ITPR1: variants seen among roughly 807,000 people sequenced by gnomAD.
The protein encoded by ITPR1 is inositol 1,4,5-trisphosphate receptor type 1.
ITPR1 carries 96 observed loss-of-function variants against 318.4 expected under a neutral mutation model. That is an observed-to-expected ratio of 0.30 (90% confidence interval 0.26 to 0.36). The LOEUF is 0.36. Among genes scored for constraint, ITPR1 ranks in the 10% least tolerant of loss-of-function variants. The pLI, the probability that ITPR1 is intolerant of heterozygous loss-of-function variation, is 1.00. For synonymous variants in ITPR1, 1,312 were observed against 1,289.9 expected (o/e 1.02, Z -0.37); for missense variants, 2,440 against 3,460.2 (o/e 0.71, Z 7.40).
chr3:4,813,240 A>C lies in ITPR1; in HGVS notation c.7561+6A>C. ...CTCTCCTGCACCCAGAGAAGGTAGGACCTCCTAACTGTAAGCCCCATGTTA... is the reference window on the plus strand; with the variant it reads ...CTCTCCTGCACCCAGAGAAGGTAGGCCCTCCTAACTGTAAGCCCCATGTTA... On this transcript the variant is annotated splice_donor_region_variant and intron_variant, in intron 57 of 61. Transcript: ENST00000649015. The C allele has an allele frequency of 1.3e-6, 2 of 1,591,714 alleles. No individual in the cohort carries two copies. Among genetic ancestry groups the C allele is most frequent in the East Asian group, 2.2e-5 (1 of 44,612 alleles).
At chr3:4,780,760 A>C (rs1366287791) in intron 49 of ITPR1, among the ~76,000 whole-genome samples, 2 of 152,176 alleles carry the variant, frequency 1.3e-5, no homozygotes, top group Non-Finnish European at 2.9e-5. Context: ...AAGCTTATGT[A>C]ACTGGGGATC....
intron 18 of ITPR1, 39 bp from the exon 19 acceptor site, chr3:4,669,614 CT>C: frequency 6.4e-7 from 1 of 1,570,714 alleles, no homozygotes; most frequent in Non-Finnish European, 8.6e-7. Context: ...CTAACCTCTG[CT>C]CTATCTACAG....
intron 26 of ITPR1, 107 bp downstream of exon 26, chr3:4,681,525 T>A (rs1355515226): frequency 2.5e-6 from 2 of 800,320 alleles, no homozygotes; most frequent in Non-Finnish European, 4.2e-6. Flanking sequence ...GGGCTTAGGT[T>A]GTTTTGGTGC....
At chr3:4,520,727 G>T (rs780545535) in intron 3 of ITPR1, among the ~76,000 whole-genome samples, 1 of 152,170 alleles carries the variant, frequency 6.6e-6, no homozygotes, top group Non-Finnish European at 1.5e-5. Flanking sequence ...GCCCCTTGCT[G>T]TGTCTCGCGA....
chr3:4,510,583 C>A (rs1451524905), intron 2 of ITPR1, among the ~76,000 whole-genome samples: 1 of 152,136 alleles, frequency 6.6e-6, no homozygotes, highest in African/African-American at 2.4e-5. Context: ...CAGGTATTTA[C>A]TGAATACCTA....
chr3:4,506,265 C>T (rs1258402300), intron 2 of ITPR1, among the ~76,000 whole-genome samples: 2 of 152,168 alleles, frequency 1.3e-5, no homozygotes, highest in Non-Finnish European at 2.9e-5. Context: ...CCTGTACTTT[C>T]TTCCTTTCCC....
chr3:4,720,947 A>G (rs983692280), intron 40 of ITPR1, among the ~76,000 whole-genome samples: 15 of 152,000 alleles, frequency 9.9e-5, no homozygotes, highest in Non-Finnish European at 1.9e-4. Context: ...GCAGTTACAT[A>G]AGAGCTGCTT....
intron 4 of ITPR1, among the ~76,000 whole-genome samples, chr3:4,522,590 G>A (rs1339441779): frequency 6.6e-6 from 1 of 152,202 alleles, no homozygotes; most frequent in African/African-American, 2.4e-5. Flanking sequence ...ACCCAAGGCG[G>A]CTACTGCCTC....
In ITPR1 at chr3:4,826,838, G is replaced by A. The variant is rs1260641862; in HGVS notation, c.8028+8596G>A. ...CTTCGTGGAGGGTGTGCCAGGTGCC[G>A]TTTGTAACAATGAGTTGAGCAGAGC... On this transcript the variant is annotated intron_variant, in intron 60 of 61. Transcript: ENST00000649015. The surrounding 1 kb of genome is among the most constrained non-coding windows in gnomAD (Gnocchi z 4.2). 3.9e-5 allele frequency among the ~76,000 whole-genome samples: 6 copies of A among 152,272 alleles called. No individual in the cohort carries two copies. Among genetic ancestry groups the A allele is most frequent in the Admixed American group, 6.5e-5 (1 of 15,302 alleles).
chr3:4,503,933 C>A (rs1309098425), intron 2 of ITPR1, among the ~76,000 whole-genome samples: 1 of 152,060 alleles, frequency 6.6e-6, no homozygotes, highest in Non-Finnish European at 1.5e-5. Flanking sequence ...CTCGCCCCCT[C>A]CCAAAACCAA....
chr3:4,827,024 C>G (rs1461305231), intron 60 of ITPR1, among the ~76,000 whole-genome samples: 1 of 152,228 alleles, frequency 6.6e-6, no homozygotes, highest in Non-Finnish European at 1.5e-5. Context: ...CATGAAACCA[C>G]TTCTCCCCAT....
At chr3:4,843,588 T>C (rs2051534279) in intron 61 of ITPR1, among the ~76,000 whole-genome samples, 1 of 152,230 alleles carries the variant, frequency 6.6e-6, no homozygotes, top group African/African-American at 2.4e-5. Context: ...TTCTGGCGCA[T>C]GCTGAAGTTT....
At position 4,691,168 on chromosome 3, in the gene ITPR1, C is replaced by G; in HGVS notation, c.3853C>G (p.His1285Asp). 6.2e-7 allele frequency: 1 copy of G among 1,611,976 alleles called. No individual in the cohort carries two copies. Among genetic ancestry groups the G allele is most frequent in the Non-Finnish European group, 8.5e-7 (1 of 1,178,552 alleles). The change falls in exon 32 of 62, where the codon CAC becomes GAC. Residue 1285 changes from histidine (H) to aspartate (D), a missense_variant. Around this residue, in one of 23 missense-constraint regions of ITPR1, gnomAD observed 222 missense variants for 318.8 expected, o/e 0.70. Transcript: ENST00000649015. ...PGILEAVTMQ[H>D]IFMNNFQLCS... Reference sequence around the variant, plus strand: ...GATCCTGGAGGCAGTAACCATGCAGCACATCTTCATGAACAATTTCCAGCT... The same window carrying G: ...GATCCTGGAGGCAGTAACCATGCAGGACATCTTCATGAACAATTTCCAGCT...
At chr3:4,634,707 C>G (rs2093125977) in intron 5 of ITPR1, among the ~76,000 whole-genome samples, 2 of 152,168 alleles carry the variant, frequency 1.3e-5, no homozygotes, top group Admixed American at 1.3e-4. Flanking sequence ...TCTCCTACCC[C>G]CTATTCTGTT....
intron 5 of ITPR1, among the ~76,000 whole-genome samples, chr3:4,630,607 G>A (rs1288272745): frequency 6.9e-6 from 1 of 144,020 alleles, no homozygotes; most frequent in Non-Finnish European, 1.5e-5. Context: ...TATTTTTAAG[G>A]CAGAGTCTCA....
rs373511110 is a variant in ITPR1, at chr3:4,681,624, A to AGTATGTGTGTGTGTGTGTGT, written c.3161+208_3161+209insATGTGTGTGTGTGTGTGTGT. Reference sequence around the variant, plus strand: ...GAGAGTGAGAGAGAGAGAGAGAGAAAGTGTGTGTGTGTGTGTGTGTGTGTG... The same window carrying AGTATGTGTGTGTGTGTGTGT: ...GAGAGTGAGAGAGAGAGAGAGAGAAAGTATGTGTGTGTGTGTGTGTGTGTGTGTGTGTGTGTGTGTGTGTG... On this transcript the variant is annotated intron_variant, in intron 26 of 61. Transcript: ENST00000649015. Among the ~76,000 whole-genome samples the AGTATGTGTGTGTGTGTGTGT allele has an allele frequency of 9.6e-3, 1,401 of 145,878 alleles. 16 individuals carry two copies. The highest frequency in any genetic ancestry group is 0.021 in the Middle Eastern group (6 of 284).
rs1183055301 is a variant in ITPR1 at position 4,740,917 on chromosome 3, C to T, written c.5544+5563C>T. ...TGGTGCCACCCGCTTCCTGTCAGCC[C>T]CCAGAAGAAATATTTCCTTGTGGCT... On this transcript the variant is annotated intron_variant, in intron 44 of 61. Transcript: ENST00000649015. 2.0e-5 allele frequency among the ~76,000 whole-genome samples: 3 copies of T among 152,306 alleles called. No homozygotes were observed. In the East Asian group the frequency reaches 5.8e-4, roughly 29 times the overall value.
chr3:4,761,098 C>T (rs2045407976), intron 44 of ITPR1, among the ~76,000 whole-genome samples: 1 of 152,244 alleles, frequency 6.6e-6, no homozygotes, highest in South Asian at 2.1e-4. Context: ...CTACTCACAA[C>T]CCCCCACCCT....
At chr3:4,526,004 G>A (rs1250869405) in intron 4 of ITPR1, among the ~76,000 whole-genome samples, 1 of 152,146 alleles carries the variant, frequency 6.6e-6, no homozygotes, top group African/African-American at 2.4e-5. Flanking sequence ...TGGGCTTTTG[G>A]GCAATTAGAT....
Sources: allele counts gnomAD v4.1 joint callset (sites outside exome capture counted in the v4.1 genomes callset), GRCh38; gene constraint gnomAD v4.1.1; regional missense constraint gnomAD v4.1.1; non-coding constraint Gnocchi (gnomAD v3.1); transcripts MANE v1.5; gene names NCBI Gene and HGNC (gene_info 2026-07-23, HGNC 2026-07-21).